Variants in HSPA2 observed in about 807,000 individuals in gnomAD.
HSPA2 encodes heat shock-related 70 kDa protein 2.
HSPA2 carries 13 observed loss-of-function variants against 35.0 expected under a neutral mutation model. The ratio of observed to expected loss-of-function variants is 0.37; its 90% CI spans 0.24 to 0.59. HSPA2 has a LOEUF of 0.59. HSPA2 is among the 20% of genes least tolerant of loss of function. HSPA2 has a pLI of 0.70. For missense variants in HSPA2, 565 were observed against 885.4 expected (o/e 0.64, Z 4.59); for synonymous variants, 368 against 382.1 (o/e 0.96, Z 0.43).
At chr14:64,540,709 C>A (rs1286189279), upstream of HSPA2, 3 of 1,303,594 alleles carry the variant, frequency 2.3e-6, no homozygotes, top group African/African-American at 4.5e-5. Flanking sequence ...CCAGAGGCGG[C>A]TATAAGAACC....
chr14:64,537,358 A>C (rs2140200041), upstream of HSPA2, among the ~76,000 whole-genome samples: 1 of 152,292 alleles, frequency 6.6e-6, no homozygotes, highest in Middle Eastern at 3.4e-3. Flanking sequence ...TTGGGAGGCC[A>C]AGATGGGCAG....
At chr14:64,537,421 GTC>G (rs2079987700), upstream of HSPA2, among the ~76,000 whole-genome samples, 1 of 152,072 alleles carries the variant, frequency 6.6e-6, no homozygotes, top group Admixed American at 6.6e-5. Context: ...GTGAAACCCT[GTC>G]TCTACCAAAA....
At chr14:64,536,617 G>A (rs45503604), upstream of HSPA2, among the ~76,000 whole-genome samples, 413 of 152,196 alleles carry the variant, frequency 2.7e-3, 2 homozygotes, top group African/African-American at 2.9e-3. Context: ...AAAATTAGCC[G>A]GGCTTGGTGG....
chr14:64,538,063 T>C (rs150615953), upstream of HSPA2, among the ~76,000 whole-genome samples: 9 of 152,276 alleles, frequency 5.9e-5, no homozygotes, highest in East Asian at 1.7e-3. Context: ...TTTTTCAAAA[T>C]TTTTTCAAAT....
chr14:64,539,687 TTTTG>T (rs1033386082), upstream of HSPA2, among the ~76,000 whole-genome samples: 3 of 151,924 alleles, frequency 2.0e-5, no homozygotes, highest in Admixed American at 6.6e-5. Context: ...TGGGGTTTTT[TTTTG>T]TTTTTTTTGA....
rs971249582 is a variant in HSPA2 at position 64,540,772 on chromosome 14, C to T, written c.-78C>T. 7.7e-6 allele frequency: 12 copies of T among 1,568,436 alleles called. No homozygotes were observed. Among genetic ancestry groups the T allele is most frequent in the African/African-American group, 2.7e-5 (2 of 73,908 alleles). On this transcript the variant is annotated 5_prime_UTR_variant, in exon 1 of 1. Coordinates refer to ENST00000247207, the MANE Select transcript of HSPA2 (RefSeq NM_021979.4). ...CTGGTAGTGCCCGTGGTGCTTGGTT[C>T]GAGGTGGCCGTTAGTTGACTCCGCG...
rs1427394216 is a variant in HSPA2 at position 64,543,114 on chromosome 14, T to C, written c.*345T>C. 3.1e-6 allele frequency: 1 copy of C among 318,234 alleles called. No individual in the cohort carries two copies. The highest frequency in any genetic ancestry group is 4.5e-5 in the South Asian group (1 of 22,050). 19.7% of individuals were successfully genotyped at this position (318,234 alleles called of 1,614,324 possible). ...ACAGTAAAATATATAGGAGCTTAAA[T>C]TGTTTATTTTTATGTACTACTTTAA... On this transcript the variant is annotated 3_prime_UTR_variant, in exon 1 of 1. Coordinates refer to ENST00000247207, the MANE Select transcript of HSPA2 (RefSeq NM_021979.4).
chr14:64,540,117 C>A (rs921667551), upstream of HSPA2, among the ~76,000 whole-genome samples: 1 of 152,170 alleles, frequency 6.6e-6, no homozygotes, highest in Admixed American at 6.5e-5. Flanking sequence ...CCCTCACCCC[C>A]CACCCCAGCC....
chr14:64,542,490 C>G lies in HSPA2; in HGVS notation c.1641C>G (p.Ser547=), dbSNP rs1185591450. ...DRVAAKNALE[S]YTYNIKQTVE... is the part of the protein sequence containing the mutation. ...TCGCGGCCAAAAACGCCCTGGAGTC[C>G]TATACCTACAACATCAAGCAGACGG... Residue 547 remains serine, a synonymous_variant, in exon 1 of 1, where the codon TCC becomes TCG. Coordinates refer to ENST00000247207, the MANE Select transcript of HSPA2 (RefSeq NM_021979.4). The surrounding 1 kb of genome is among the most constrained non-coding windows in gnomAD (Gnocchi z 5.7). The G allele has an allele frequency of 6.2e-7, 1 of 1,613,416 alleles. No homozygotes were observed.
rs553568437 is a variant in HSPA2 at position 64,541,711 on chromosome 14, G to T, written c.862G>T (p.Asp288Tyr). 3 of 1,611,868 alleles carry T rather than the reference G, an allele frequency of 1.9e-6. No homozygotes were observed. The South Asian group carries it at 3.3e-5, about 18-fold the overall frequency. ...GTCCACGCAGGCGAGCATCGAGATC[G>T]ACTCGCTCTACGAGGGCGTGGACTT... ...SSSTQASIEI[D>Y]SLYEGVDFYT... Residue 288 changes from aspartate to tyrosine, a missense_variant, in exon 1 of 1, where the codon GAC (aspartate) becomes TAC (tyrosine). This residue lies in a region of HSPA2 where 234 missense variants were observed against 419.0 expected (regional missense o/e 0.56). Transcript: ENST00000247207.
At position 64,542,779 on chromosome 14, in the gene HSPA2, C is replaced by G. The variant is rs1472232526; in HGVS notation, c.*10C>G. ...CGAAGAAGTGGACTAAGCTTGCACTCAAGTCAGCGTAAACCTCTTTGCCTT... is the reference window on the plus strand; with the variant it reads ...CGAAGAAGTGGACTAAGCTTGCACTGAAGTCAGCGTAAACCTCTTTGCCTT... On this transcript the variant is annotated 3_prime_UTR_variant, in exon 1 of 1. Coordinates refer to ENST00000247207, the MANE Select transcript of HSPA2 (RefSeq NM_021979.4). The surrounding 1 kb of genome is among the most constrained non-coding windows in gnomAD (Gnocchi z 5.7). The G allele has an allele frequency of 4.4e-6, 7 of 1,589,936 alleles. No individual in the cohort carries two copies. In the African/African-American group the frequency reaches 9.4e-5, roughly 21 times the overall value.
upstream of HSPA2, chr14:64,540,726 T>G: frequency 7.0e-7 from 1 of 1,437,124 alleles, no homozygotes; most frequent in Non-Finnish European, 9.3e-7. Flanking sequence ...AACCGGGAAC[T>G]GGGCGCGGGG....
chr14:64,540,736 G>T (rs2080021127), upstream of HSPA2: 2 of 1,477,264 alleles, frequency 1.4e-6, no homozygotes, highest in Non-Finnish European at 9.1e-7. Context: ...TGGGCGCGGG[G>T]AGCTGAGTTG....
chr14:64,540,632 C>T (rs926108873), upstream of HSPA2: 3 of 679,708 alleles, frequency 4.4e-6, no homozygotes, highest in African/African-American at 3.6e-5. Flanking sequence ...CCGACCTAGG[C>T]AAGCCTGTGG....
Position 64,542,309 on chromosome 14 carries a change from G to C in HSPA2, c.1460G>C (p.Gly487Ala). The change falls in exon 1 of 1, where the codon GGC (glycine) becomes GCC (alanine). Residue 487 changes from glycine (G) to alanine (A), a missense_variant. Around this residue, in one of 4 missense-constraint regions of HSPA2, gnomAD observed 234 missense variants for 419.0 expected, o/e 0.56. Coordinates refer to ENST00000247207, the MANE Select transcript of HSPA2 (RefSeq NM_021979.4). This position sits in a 1 kb window ranked among gnomAD's most constrained non-coding sequence, Gnocchi z 5.7. ...IEVTFDIDAN[G>A]ILNVTAADKS... ...GTTACCTTCGACATTGACGCCAATGGCATCCTTAACGTTACCGCCGCCGAC... is the reference window on the plus strand; with the variant it reads ...GTTACCTTCGACATTGACGCCAATGCCATCCTTAACGTTACCGCCGCCGAC... The C allele has an allele frequency of 1.2e-6, 2 of 1,613,994 alleles. No homozygotes were observed. The highest frequency in any genetic ancestry group is 1.1e-5 in the South Asian group (1 of 91,076).
Position 64,540,894 on chromosome 14 carries a change from C to T in HSPA2, c.45C>T (p.Thr15=). 1.9e-6 allele frequency: 3 copies of T among 1,614,164 alleles called. No homozygotes were observed. The highest frequency in any genetic ancestry group is 2.5e-6 in the Non-Finnish European group (3 of 1,180,040). Residue 15 remains threonine, a synonymous_variant, in exon 1 of 1, where the codon ACC becomes ACT. Transcript: ENST00000247207. ...CTATCGGCATCGACCTGGGCACCAC[C>T]TATTCGTGCGTCGGGGTCTTCCAAC... ...GPAIGIDLGT[T]YSCVGVFQHG...
rs2080035982 is a variant in HSPA2, at chr14:64,541,920, C to T, written c.1071C>T (p.Phe357=). ...TCCAGAAGCTGCTGCAGGATTTCTT[C>T]AACGGCAAGGAGCTGAACAAGAGCA... ...PKIQKLLQDF[F]NGKELNKSIN... The change falls in exon 1 of 1, where the codon TTC becomes TTT. Residue 357 remains phenylalanine, a synonymous_variant. Coordinates refer to ENST00000247207, the MANE Select transcript of HSPA2 (RefSeq NM_021979.4). 1.2e-6 allele frequency: 2 copies of T among 1,613,488 alleles called. No homozygotes were observed. The highest frequency in any genetic ancestry group is 2.7e-5 in the African/African-American group (2 of 74,920).
chr14:64,538,321 C>T (rs1413229925), upstream of HSPA2, among the ~76,000 whole-genome samples: 1 of 152,180 alleles, frequency 6.6e-6, no homozygotes, highest in Non-Finnish European at 1.5e-5. Context: ...CATCACTAGC[C>T]TGCTTTAAAG....
rs143577249 is a variant in HSPA2 at position 64,541,524 on chromosome 14, G to T, written c.675G>T (p.Thr225=). Reference sequence around the variant, plus strand: ...ATGGCATCTTCGAGGTGAAGTCCACGGCCGGCGACACCCACCTGGGCGGTG... The same window carrying T: ...ATGGCATCTTCGAGGTGAAGTCCACTGCCGGCGACACCCACCTGGGCGGTG... ...IEDGIFEVKS[T]AGDTHLGGED... Residue 225 remains threonine (T), a synonymous_variant, in exon 1 of 1, where the codon ACG becomes ACT. Transcript: ENST00000247207. The T allele has an allele frequency of 1.1e-3, 1,737 of 1,608,816 alleles. 3 individuals carry two copies. Among genetic ancestry groups the T allele is most frequent in the Non-Finnish European group, 1.4e-3 (1,610 of 1,176,102 alleles).
Sources: gnomAD v4.1 joint callset for allele counts (sites outside exome capture counted in the v4.1 genomes callset) on GRCh38, gnomAD v4.1.1 for gene constraint, gnomAD v4.1.1 regional missense constraint, Gnocchi (gnomAD v3.1) non-coding constraint, MANE v1.5 for transcripts, NCBI Gene and HGNC (gene_info 2026-07-23, HGNC 2026-07-21) for gene names.